PIEZO1: variants seen among roughly 807,000 people sequenced by gnomAD.
PIEZO1 encodes the protein piezo-type mechanosensitive ion channel component 1.
Under a neutral mutation model 297.2 loss-of-function variants are expected in PIEZO1, and 296 were observed. The ratio of observed to expected loss-of-function variants is 1.00; its 90% CI spans 0.91 to 1.10. The LOEUF (loss-of-function observed/expected upper bound fraction) is 1.10, where lower values mean the gene tolerates loss of function less well. PIEZO1 is among the 50% of genes least tolerant of loss of function. The pLI, the probability that PIEZO1 is intolerant of heterozygous loss-of-function variation, is 0.00. For missense variants in PIEZO1, 5,018 were observed against 3,455.5 expected (o/e 1.45, Z -11.34); for synonymous variants, 2,427 against 1,507.5 (o/e 1.61, Z -14.13).
chr16:88,766,459 A>G (rs1046390642), intron 1 of PIEZO1, among the ~76,000 whole-genome samples: 3 of 152,236 alleles, frequency 2.0e-5, no homozygotes, highest in Non-Finnish European at 4.4e-5. Flanking sequence ...ATATCAATAT[A>G]TAACAAGCAC....
intron 1 of PIEZO1, among the ~76,000 whole-genome samples, chr16:88,768,593 G>A (rs998543045): frequency 6.6e-6 from 1 of 152,240 alleles, no homozygotes; most frequent in Admixed American, 6.5e-5. Context: ...AGCAGGTTGT[G>A]GGCGGGGGCT....
At chr16:88,775,868 A>G (rs979478842) in intron 1 of PIEZO1, among the ~76,000 whole-genome samples, 6 of 152,206 alleles carry the variant, frequency 3.9e-5, no homozygotes, top group Non-Finnish European at 8.8e-5. Flanking sequence ...TTGTTTAAAC[A>G]GCTGGGAGAC....
Position 88,722,026 on chromosome 16 carries a change from C to T in PIEZO1, c.4996G>A (p.Ala1666Thr), listed in dbSNP as rs1904282600. 6.5e-7 allele frequency: 1 copy of T among 1,548,204 alleles called. No individual in the cohort carries two copies. Residue 1666 changes from alanine (A) to threonine (T), a missense_variant, in exon 37 of 51, where the codon GCG becomes ACG. Ala to Thr is a moderately conservative substitution (Grantham distance 58). Transcript: ENST00000301015. ...CGCAGCGCCCGGCCCTGCCCCTCCG[C>T]AAACAGCTCTGCCTCCTCCAGCTCT... is the stretch of plus-strand genomic sequence containing the variant. ...IPELEEAELF[A>T]EGQGRALRLL...
In PIEZO1 at chr16:88,715,693, A is replaced by G. The variant is rs945494220; in HGVS notation, c.7478T>C (p.Leu2493Pro). ...DIFLVRETRELELEEELYAKL... is the reference protein window; with the variant it reads ...DIFLVRETREPELEEELYAKL... Reference sequence around the variant, plus strand: ...GGCGTACAACTCCTCCTCCAGCTCCAGCTCCCGAGTCTCCCGCACCAGGAA... The same window carrying G: ...GGCGTACAACTCCTCCTCCAGCTCCGGCTCCCGAGTCTCCCGCACCAGGAA... Residue 2493 changes from leucine (L) to proline (P), a missense_variant, in exon 51 of 51, where the codon CTG becomes CCG. Transcript: ENST00000301015. 13 of 1,550,262 alleles carry G rather than the reference A, an allele frequency of 8.4e-6. No individual in the cohort carries two copies. The highest frequency in any genetic ancestry group is 1.0e-5 in the Non-Finnish European group (12 of 1,146,972).
Position 88,725,458 on chromosome 16 carries a change from G to C in PIEZO1, c.4120C>G (p.Pro1374Ala). 1 of 1,502,836 alleles carries C rather than the reference G, an allele frequency of 6.7e-7. No individual in the cohort carries two copies. The highest frequency in any genetic ancestry group is 8.9e-7 in the Non-Finnish European group (1 of 1,122,204). The allele number at this position is 1,502,836 out of a possible 1,614,324, so 93.1% of individuals were successfully genotyped here. A position where few individuals can be genotyped will look rare whatever the true frequency, so the allele number is the denominator to read the frequency against. Residue 1374 changes from proline (P) to alanine (A), a missense_variant, in exon 29 of 51, where the codon CCC becomes GCC. By Grantham distance (27) the Pro-to-Ala change is conservative. Transcript: ENST00000301015. Reference protein sequence around the residue: ...HRQGRVDRSRPQDTLGPKDPG... With the variant: ...HRQGRVDRSRAQDTLGPKDPG... ...TCCTTGGGGCCCAGGGTGTCCTGGG[G>C]GCGACTGCGGTCCACCCGGCCCTGC...
chr16:88,756,879 A>G (rs1479228281), intron 1 of PIEZO1, among the ~76,000 whole-genome samples: 3 of 152,044 alleles, frequency 2.0e-5, no homozygotes, highest in Admixed American at 6.5e-5. Context: ...GATCGAGACC[A>G]TCCTGGCCAA....
intron 1 of PIEZO1, among the ~76,000 whole-genome samples, chr16:88,762,942 G>C (rs138975780): frequency 7.2e-4 from 109 of 152,326 alleles, no homozygotes; most frequent in African/African-American, 2.5e-3. Flanking sequence ...CTTATACCCA[G>C]GAGCTCCAGG....
intron 21 of PIEZO1, 120 bp from the exon 22 acceptor site, chr16:88,732,030 C>G (rs143911952): frequency 0.03 from 1,346 of 45,222 alleles, 6 homozygotes; most frequent in Admixed American, 0.062. Flanking sequence ...GGGCATCAAG[C>G]AAGGACAGGG....
chr16:88,751,099 C>T (rs1906366622), intron 1 of PIEZO1, among the ~76,000 whole-genome samples: 1 of 152,182 alleles, frequency 6.6e-6, no homozygotes, highest in South Asian at 2.1e-4. Flanking sequence ...CCCGGGAAGT[C>T]TTCTGGAGGG....
At chr16:88,772,462 G>A (rs939094730) in intron 1 of PIEZO1, among the ~76,000 whole-genome samples, 1 of 152,192 alleles carries the variant, frequency 6.6e-6, no homozygotes, top group Non-Finnish European at 1.5e-5. Context: ...AGGTGGCAGA[G>A]GGCACGGCTT....
rs751650834 is a variant in PIEZO1 at position 88,732,379 on chromosome 16, G to A, written c.2947C>T (p.Leu983Phe). 81 of 1,549,768 alleles carry A rather than the reference G, an allele frequency of 5.2e-5. 1 individual carries two copies. In the South Asian group the frequency reaches 8.1e-4, roughly 15 times the overall value. ...AAGAAGAAGTTGATGAAGTACTTGA[G>A]GCAGCCGAGCAGATCCTGGTCCAGC... ...QQLDQDLLGC[L>F]KYFINFFFYK... The change falls in exon 21 of 51, where the codon CTC becomes TTC. Residue 983 changes from leucine (L) to phenylalanine (F), a missense_variant. By Grantham distance (22) the Leu-to-Phe change is conservative. Transcript: ENST00000301015.
chr16:88,752,703 G>C (rs1419592737), intron 1 of PIEZO1, among the ~76,000 whole-genome samples: 1 of 152,128 alleles, frequency 6.6e-6, no homozygotes, highest in African/African-American at 2.4e-5. Flanking sequence ...TTGAGGGGCA[G>C]AGTGGACTCA....
chr16:88,775,451 C>T (rs1023290725), intron 1 of PIEZO1, among the ~76,000 whole-genome samples: 5 of 152,130 alleles, frequency 3.3e-5, no homozygotes, highest in Admixed American at 1.3e-4. Flanking sequence ...GGCGGGGGCC[C>T]GGCGCAGTGG....
chr16:88,727,265 C>T lies in PIEZO1; in HGVS notation c.3302-73G>A, dbSNP rs567248637. ...GGTGGGCACGGCGCATAAATCCCAC[C>T]TCCCACCCCAGGCCTGTCGGCGTGC... On this transcript the variant is annotated intron_variant, in intron 23 of 50. Transcript: ENST00000301015. The T allele has an allele frequency of 8.6e-5, 123 of 1,432,702 alleles. No individual in the cohort carries two copies. In the East Asian group the frequency reaches 2.9e-3, roughly 34 times the overall value. The allele number at this position is 1,432,702 out of a possible 1,614,324, so 88.7% of individuals were successfully genotyped here.
intron 44 of PIEZO1, chr16:88,717,566 G>C (rs1317083614): frequency 4.1e-6 from 2 of 487,800 alleles, no homozygotes; most frequent in Non-Finnish European, 8.1e-6. Flanking sequence ...CGAAACTTCA[G>C]AGCTAAAACT....
chr16:88,722,614 C>T lies in PIEZO1; in HGVS notation c.4744G>A (p.Glu1582Lys), dbSNP rs1040063411. ...QAEATLPGPT[E>K]APNAPSTVSS... is the part of the protein sequence containing the mutation. The stretch of plus-strand genomic sequence containing the variant: ...ACGGTGCTTGGGGCATTGGGGGCCT[C>T]GGTGGGGCCTGGCAGCGTGGCCTCG... The change falls in exon 35 of 51, where the codon GAG becomes AAG. Residue 1582 changes from glutamate to lysine, a missense_variant. Physicochemically the swap from Glu to Lys is moderately conservative, Grantham distance 56 (BLOSUM62 1). Coordinates refer to ENST00000301015, the MANE Select transcript of PIEZO1 (RefSeq NM_001142864.4). 2.1e-5 allele frequency: 32 copies of T among 1,537,952 alleles called. No individual in the cohort carries two copies. The highest frequency in any genetic ancestry group is 4.9e-5 in the East Asian group (2 of 40,830).
intron 1 of PIEZO1, among the ~76,000 whole-genome samples, chr16:88,751,878 A>C (rs1339094880): frequency 6.6e-6 from 1 of 152,164 alleles, no homozygotes; most frequent in Non-Finnish European, 1.5e-5. Context: ...CCGTCAGAGC[A>C]GAGGAGCTCA....
intron 2 of PIEZO1, among the ~76,000 whole-genome samples, chr16:88,744,575 T>G (rs1439019663): frequency 6.7e-6 from 1 of 150,212 alleles, no homozygotes; most frequent in Non-Finnish European, 1.5e-5. Context: ...CCCACCCGCC[T>G]TGCCCTGCAC....
chr16:88,734,923 G>A lies in PIEZO1; in HGVS notation c.1800C>T (p.Tyr600=), dbSNP rs1905103466. ...GGAAGAGGAACATGTAGACAATCTT[G>A]TAGACCACGAGGCGGCCGGCGAAGC... is the stretch of plus-strand genomic sequence containing the variant. ...VVSFAGRLVV[Y]KIVYMFLFLL... is the part of the protein sequence containing the mutation. Residue 600 remains tyrosine, a synonymous_variant, in exon 14 of 51, where the codon TAC becomes TAT. Transcript: ENST00000301015. The A allele has an allele frequency of 2.6e-6, 4 of 1,550,440 alleles. No homozygotes were observed. Among genetic ancestry groups the A allele is most frequent in the African/African-American group, 2.7e-5 (2 of 73,196 alleles).
Sources: allele counts gnomAD v4.1 joint callset (sites outside exome capture counted in the v4.1 genomes callset), GRCh38; gene constraint gnomAD v4.1.1; transcripts MANE v1.5; gene names NCBI Gene and HGNC (gene_info 2026-07-23, HGNC 2026-07-21).